FER: variants seen among roughly 807,000 people sequenced by gnomAD.
FER encodes tyrosine-protein kinase Fer.
Under a neutral mutation model 111.0 loss-of-function variants are expected in FER, and 63 were observed. That is an observed-to-expected ratio of 0.57 (90% CI 0.46 to 0.70). FER has a LOEUF of 0.70. Among genes scored for constraint, FER ranks in the 30% least tolerant of loss-of-function variants. The pLI is 0.00. For missense variants in FER, 914 were observed against 954.0 expected (o/e 0.96, Z 0.55); for synonymous variants, 327 against 313.9 (o/e 1.04, Z -0.44).
At chr5:109,033,132 T>C (rs1017966845) in intron 13 of FER, among the ~76,000 whole-genome samples, 3 of 152,212 alleles carry the variant, frequency 2.0e-5, no homozygotes, top group African/African-American at 7.2e-5. Context: ...TAATTACAAC[T>C]TTTATTTTCA....
At chr5:109,111,571 A>T (rs546887896) in intron 17 of FER, among the ~76,000 whole-genome samples, 3 of 152,316 alleles carry the variant, frequency 2.0e-5, no homozygotes, top group African/African-American at 7.2e-5. Flanking sequence ...TCACACTGCT[A>T]TAAAGAACTT....
intron 17 of FER, among the ~76,000 whole-genome samples, chr5:109,140,071 A>G (rs1393188848): frequency 6.6e-6 from 1 of 152,234 alleles, no homozygotes; most frequent in Non-Finnish European, 1.5e-5. Context: ...AATGTGAAAT[A>G]TTACAGTGAA....
intron 2 of FER, among the ~76,000 whole-genome samples, chr5:108,783,913 A>T (rs1355625077): frequency 6.6e-6 from 1 of 152,020 alleles, no homozygotes; most frequent in Non-Finnish European, 1.5e-5. Context: ...CTGAGATTGG[A>T]TATCTAGCAA....
chr5:109,169,192 G>A (rs1381778416), intron 17 of FER, among the ~76,000 whole-genome samples: 1 of 152,052 alleles, frequency 6.6e-6, no homozygotes, highest in African/African-American at 2.4e-5. Flanking sequence ...TTATCTTGTA[G>A]AGCTACAAGA....
chr5:108,838,683 G>A (rs868656657), intron 5 of FER, among the ~76,000 whole-genome samples: 2 of 152,146 alleles, frequency 1.3e-5, no homozygotes, highest in South Asian at 2.1e-4. Context: ...TTTATGTTTA[G>A]TATAATGTAA....
chr5:108,749,549 G>A (rs1458958724), intron 1 of FER, among the ~76,000 whole-genome samples: 1 of 152,094 alleles, frequency 6.6e-6, no homozygotes, highest in Non-Finnish European at 1.5e-5. Flanking sequence ...TCCTGCTTCT[G>A]GAGCCCCGCA....
chr5:108,983,581 C>G (rs975623826), intron 13 of FER, among the ~76,000 whole-genome samples: 1 of 152,044 alleles, frequency 6.6e-6, no homozygotes, highest in African/African-American at 2.4e-5. Context: ...GTAGTTTCAT[C>G]AACACATTAA....
intron 3 of FER, among the ~76,000 whole-genome samples, chr5:108,821,539 C>CT (rs1283626461): frequency 6.6e-6 from 1 of 151,924 alleles, no homozygotes; most frequent in Non-Finnish European, 1.5e-5. Context: ...GTAGTCTTGC[C>CT]TTTTTCATGC....
chr5:109,064,192 C>G (rs187881436), intron 16 of FER, among the ~76,000 whole-genome samples: 13 of 152,244 alleles, frequency 8.5e-5, no homozygotes, highest in Non-Finnish European at 1.5e-5. Flanking sequence ...TCAGTAATAT[C>G]CTTGTAAATT....
At chr5:109,126,017 T>C (rs1313510058) in intron 17 of FER, among the ~76,000 whole-genome samples, 1 of 152,166 alleles carries the variant, frequency 6.6e-6, no homozygotes, top group Non-Finnish European at 1.5e-5. Flanking sequence ...GTTTTTTTTT[T>C]CCTTTTCTGA....
intron 5 of FER, among the ~76,000 whole-genome samples, chr5:108,847,954 C>T (rs1762178971): frequency 6.6e-6 from 1 of 152,084 alleles, no homozygotes; most frequent in South Asian, 2.1e-4. Flanking sequence ...GTGGTGCGAT[C>T]ATAGCTCGCT....
intron 17 of FER, among the ~76,000 whole-genome samples, chr5:109,179,474 G>C (rs1258444485): frequency 6.6e-6 from 1 of 152,122 alleles, no homozygotes; most frequent in Non-Finnish European, 1.5e-5. Context: ...CCTATGTTCT[G>C]TTACTCTAGT....
chr5:109,118,497 G>T (rs1450028098), intron 17 of FER, among the ~76,000 whole-genome samples: 1 of 152,106 alleles, frequency 6.6e-6, no homozygotes, highest in Non-Finnish European at 1.5e-5. Flanking sequence ...CCAGGCTTTG[G>T]TATCAGGATG....
chr5:108,840,960 A>G (rs1045862454), intron 5 of FER, among the ~76,000 whole-genome samples: 2 of 152,216 alleles, frequency 1.3e-5, no homozygotes, highest in Admixed American at 1.3e-4. Flanking sequence ...CATCCTTGCC[A>G]GTAGCAATAT....
At chr5:108,974,862 C>G (rs911753223) in intron 13 of FER, among the ~76,000 whole-genome samples, 1 of 152,180 alleles carries the variant, frequency 6.6e-6, no homozygotes, top group Admixed American at 6.5e-5. Context: ...GAACATAGCT[C>G]TGCAGACATT....
intron 2 of FER, among the ~76,000 whole-genome samples, chr5:108,784,748 G>A (rs193020019): frequency 8.5e-5 from 13 of 152,334 alleles, no homozygotes; most frequent in African/African-American, 2.6e-4. Context: ...GAAACAAAGG[G>A]ATGGGCTCTG....
In FER at chr5:108,885,815, C is replaced by T. The variant is rs73207560; in HGVS notation, c.1046+2297C>T. Reference sequence around the variant, plus strand: ...TGGGAATCGATGAGCCCTGTAAAGGCGAGAACAGGAAAATTTGAGTTACTC... The same window carrying T: ...TGGGAATCGATGAGCCCTGTAAAGGTGAGAACAGGAAAATTTGAGTTACTC... On this transcript the variant is annotated intron_variant, in intron 9 of 19. Transcript: ENST00000281092. Among the ~76,000 whole-genome samples the T allele has an allele frequency of 5.7e-3, 862 of 151,830 alleles. 12 individuals are homozygous for T. Among genetic ancestry groups the T allele is most frequent in the African/African-American group, 0.02 (813 of 41,438 alleles).
intron 10 of FER, among the ~76,000 whole-genome samples, chr5:108,909,731 C>T (rs1248197989): frequency 1.3e-5 from 2 of 151,512 alleles, no homozygotes; most frequent in African/African-American, 4.8e-5. Context: ...TTCGGACAGA[C>T]TAATAGAGAA....
intron 2 of FER, among the ~76,000 whole-genome samples, chr5:108,794,671 A>T (rs1755812966): frequency 6.6e-6 from 1 of 152,056 alleles, no homozygotes; most frequent in South Asian, 2.1e-4. Context: ...TTCTAGGGTA[A>T]ACTTTTTTTT....
Sources: allele counts gnomAD v4.1 joint callset (sites outside exome capture counted in the v4.1 genomes callset), GRCh38; gene constraint gnomAD v4.1.1; transcripts MANE v1.5; gene names NCBI Gene and HGNC (gene_info 2026-07-23, HGNC 2026-07-21).